RPH3A: variants seen among roughly 807,000 people sequenced by gnomAD.
RPH3A encodes rabphilin 3A.
Under a neutral mutation model 102.2 loss-of-function variants are expected in RPH3A, and 48 were observed. That is an observed-to-expected ratio of 0.47 (90% CI 0.37 to 0.60). The LOEUF is 0.60. Ranked by LOEUF, RPH3A falls within the 20% of genes least tolerant of loss-of-function variation. The pLI is 0.00. For synonymous variants in RPH3A, 310 were observed against 324.3 expected (o/e 0.96, Z 0.47); for missense variants, 781 against 910.1 (o/e 0.86, Z 1.83).
At chr12:112,588,882 A>G (rs1281100462) in intron 1 of RPH3A, among the ~76,000 whole-genome samples, 3 of 152,182 alleles carry the variant, frequency 2.0e-5, no homozygotes, top group Non-Finnish European at 4.4e-5. Flanking sequence ...GGGTACCAGG[A>G]ACATTCTAAA....
chr12:112,887,772 C>T, intron 16 of RPH3A, 25 bp from the exon 17 acceptor site: 1 of 1,611,224 alleles, frequency 6.2e-7, no homozygotes, highest in Non-Finnish European at 8.5e-7. Flanking sequence ...CTGTTTCTCT[C>T]TCTACCCCCT....
intron 2 of RPH3A, among the ~76,000 whole-genome samples, chr12:112,821,296 G>T (rs1370101273): frequency 6.6e-6 from 1 of 152,178 alleles, no homozygotes; most frequent in African/African-American, 2.4e-5. Context: ...AACTCTGGAT[G>T]CATATTTGAG....
intron 2 of RPH3A, among the ~76,000 whole-genome samples, chr12:112,825,817 G>A (rs1455580220): frequency 1.3e-5 from 2 of 152,142 alleles, no homozygotes; most frequent in Admixed American, 6.6e-5. Context: ...TATTAAATTG[G>A]GGTAGTGATA....
intron 1 of RPH3A, among the ~76,000 whole-genome samples, chr12:112,629,329 A>G (rs1213796274): frequency 1.3e-5 from 2 of 151,150 alleles, no homozygotes; most frequent in African/African-American, 2.4e-5. Flanking sequence ...TTTTACCAAA[A>G]CAAGAAAAAG....
At chr12:112,628,834 G>T (rs190005663) in intron 1 of RPH3A, among the ~76,000 whole-genome samples, 2 of 152,064 alleles carry the variant, frequency 1.3e-5, no homozygotes, top group Non-Finnish European at 2.9e-5. Context: ...TGGGATTCTC[G>T]TGTCTGCTGT....
intron 17 of RPH3A, among the ~76,000 whole-genome samples, chr12:112,889,412 G>A (rs754929326): frequency 1.3e-5 from 2 of 152,208 alleles, no homozygotes; most frequent in African/African-American, 4.8e-5. Flanking sequence ...TGCAGCAGCC[G>A]CAGAACACTA....
intron 1 of RPH3A, among the ~76,000 whole-genome samples, chr12:112,659,025 T>C (rs1290696266): frequency 6.6e-6 from 1 of 152,204 alleles, no homozygotes; most frequent in Non-Finnish European, 1.5e-5. Context: ...TAGCCATTTT[T>C]TGAAACAATC....
intron 1 of RPH3A, among the ~76,000 whole-genome samples, chr12:112,779,517 G>A (rs1405146962): frequency 1.3e-5 from 2 of 152,152 alleles, no homozygotes; most frequent in African/African-American, 2.4e-5. Flanking sequence ...TATTCATACA[G>A]TATCATATAG....
At chr12:112,667,867 G>A (rs2040098933) in intron 1 of RPH3A, among the ~76,000 whole-genome samples, 1 of 152,122 alleles carries the variant, frequency 6.6e-6, no homozygotes, top group South Asian at 2.1e-4. Flanking sequence ...TGCTTCATCT[G>A]ATCTCTTGCT....
intron 2 of RPH3A, among the ~76,000 whole-genome samples, chr12:112,807,316 C>T (rs890425087): frequency 3.3e-5 from 5 of 152,138 alleles, no homozygotes; most frequent in African/African-American, 7.2e-5. Flanking sequence ...GCCCTCCACC[C>T]TCCACTCCTC....
At chr12:112,713,001 CT>C (rs1450332463) in intron 1 of RPH3A, among the ~76,000 whole-genome samples, 3 of 74,722 alleles carry the variant, frequency 4.0e-5, no homozygotes, top group East Asian at 3.7e-4. Context: ...TTGTCTTCCT[CT>C]TCCTCTTCCT....
At chr12:112,755,339 A>G (rs1025115110) in intron 1 of RPH3A, among the ~76,000 whole-genome samples, 1 of 148,702 alleles carries the variant, frequency 6.7e-6, no homozygotes, top group Non-Finnish European at 1.5e-5. Context: ...ACACACACAC[A>G]TACATATGCA....
At chr12:112,833,818 C>A (rs960802823) in intron 3 of RPH3A, among the ~76,000 whole-genome samples, 3 of 151,870 alleles carry the variant, frequency 2.0e-5, no homozygotes, top group Non-Finnish European at 4.4e-5. Flanking sequence ...TAGCTTTGAC[C>A]GCCCAGGCTC....
chr12:112,832,584 A>G (rs1222455057), intron 3 of RPH3A, among the ~76,000 whole-genome samples: 3 of 152,170 alleles, frequency 2.0e-5, no homozygotes, highest in Non-Finnish European at 4.4e-5. Flanking sequence ...GCTCACACCT[A>G]TAATCACAGC....
chr12:112,640,828 G>C (rs1429210611), intron 1 of RPH3A, among the ~76,000 whole-genome samples: 1 of 152,070 alleles, frequency 6.6e-6, no homozygotes, highest in African/African-American at 2.4e-5. Context: ...CTTCCTCAAC[G>C]CTCTAGATTT....
At chr12:112,821,326 G>A (rs1180294763) in intron 2 of RPH3A, among the ~76,000 whole-genome samples, 1 of 152,158 alleles carries the variant, frequency 6.6e-6, no homozygotes, top group Non-Finnish European at 1.5e-5. Context: ...AATATACTCA[G>A]CTTGCATCAC....
At chr12:112,851,977 C>A (rs2042331237) in intron 5 of RPH3A, among the ~76,000 whole-genome samples, 1 of 152,166 alleles carries the variant, frequency 6.6e-6, no homozygotes, top group African/African-American at 2.4e-5. Flanking sequence ...TGGCTTAGAG[C>A]AAAACAGTGT....
intron 1 of RPH3A, among the ~76,000 whole-genome samples, chr12:112,747,739 C>G (rs551246647): frequency 6.6e-6 from 1 of 152,280 alleles, no homozygotes; most frequent in South Asian, 2.1e-4. Context: ...GTGGCTTAGG[C>G]TGCTGTAACA....
chr12:112,892,730 A>G (rs950261957), intron 19 of RPH3A: 3 of 152,072 alleles, frequency 2.0e-5, no homozygotes, highest in Non-Finnish European at 2.9e-5. Flanking sequence ...GCTAATAAAT[A>G]CCTGCCATTA....
Sources: allele counts gnomAD v4.1 joint callset (sites outside exome capture counted in the v4.1 genomes callset), GRCh38; gene constraint gnomAD v4.1.1; transcripts MANE v1.5; gene names NCBI Gene and HGNC (gene_info 2026-07-23, HGNC 2026-07-21).